SH3BP2: variants seen among roughly 807,000 people sequenced by gnomAD.
SH3BP2 encodes the protein SH3 domain binding protein 2, also known as SH3 domain-binding protein 2.
In SH3BP2, 38 loss-of-function variants were observed where a neutral mutation model predicts 56.2. That is an observed-to-expected ratio of 0.68 (90% confidence interval 0.52 to 0.89). SH3BP2 has a LOEUF of 0.89. Ranked by LOEUF, SH3BP2 falls within the 40% of genes least tolerant of loss-of-function variation. The pLI is 0.00. For synonymous variants in SH3BP2, 346 were observed against 316.7 expected, an observed-to-expected ratio of 1.09 and a Z score of -0.98; for missense variants, 748 against 762.6, an observed-to-expected ratio of 0.98 and a Z score of 0.23.
rs1218397040 is a variant in SH3BP2, at chr4:2,840,032, C to G, written c.*6198C>G. On this transcript the variant is annotated 3_prime_UTR_variant, in exon 13 of 13. Coordinates refer to ENST00000503393, the MANE Select transcript of SH3BP2 (RefSeq NM_001122681.2). ...TTGAGCTCAGGAGTTTGAGACCAAC[C>G]TGGACAACATGGCGAAACACCATCT... 2.0e-5 allele frequency: 3 copies of G among 151,896 alleles called. No individual in the cohort carries two copies. The highest frequency in any genetic ancestry group is 7.3e-5 in the African/African-American group (3 of 41,312). 9.4% of individuals were successfully genotyped at this position (151,896 alleles called of 1,614,324 possible).
intron 1 of SH3BP2, chr4:2,818,397 ACCGAGCC>A: frequency 8.6e-7 from 1 of 1,168,686 alleles, no homozygotes. Context: ...CGCCGTGAGT[ACCGAGCC>A]CCGGCCCCCG....
rs1392586449 is a variant in SH3BP2, at chr4:2,810,358, A to G, written c.-4-10256A>G. ...AGCATTGGACCAGGGCTGTGGGGGG[A>G]ATGGGCCTGGGCCAGGGTCAGGTGG... On this transcript the variant is annotated intron_variant, in intron 1 of 12. Coordinates refer to ENST00000503393, the MANE Select transcript of SH3BP2 (RefSeq NM_001122681.2). This position sits in a 1 kb window ranked among gnomAD's most constrained non-coding sequence, Gnocchi z 4.2. 1.3e-5 allele frequency among the ~76,000 whole-genome samples: 2 copies of G among 150,646 alleles called. No individual in the cohort carries two copies. Among genetic ancestry groups the G allele is most frequent in the African/African-American group, 4.9e-5 (2 of 40,836 alleles).
intron 1 of SH3BP2, chr4:2,796,292 G>T: frequency 2.3e-6 from 1 of 438,892 alleles, no homozygotes; most frequent in Non-Finnish European, 3.0e-6. Flanking sequence ...GTGGAGACCT[G>T]GGTCAGACAG....
chr4:2,800,524 A>G (rs1184469196), intron 1 of SH3BP2, among the ~76,000 whole-genome samples: 1 of 149,546 alleles, frequency 6.7e-6, no homozygotes, highest in Non-Finnish European at 1.5e-5. Context: ...CCCGAGCAGT[A>G]CGTGGAGGTG....
Position 2,810,125 on chromosome 4 carries a change from A to G in SH3BP2, c.-4-10489A>G, listed in dbSNP as rs147226449. On this transcript the variant is annotated intron_variant, in intron 1 of 12. Coordinates refer to ENST00000503393, the MANE Select transcript of SH3BP2 (RefSeq NM_001122681.2). The surrounding 1 kb of genome is among the most constrained non-coding windows in gnomAD (Gnocchi z 4.2). ...GCAGTGTCATATGCCGCAGGGATGA[A>G]GAGGAATTGAGAGAGCAATTGGAGA... Among the ~76,000 whole-genome samples the G allele has an allele frequency of 5.1e-4, 78 of 152,282 alleles. No individual in the cohort carries two copies. The East Asian group carries it at 6.0e-3, about 12-fold the overall frequency.
intron 1 of SH3BP2, among the ~76,000 whole-genome samples, chr4:2,798,796 G>T (rs1723144851): frequency 6.6e-6 from 1 of 152,226 alleles, no homozygotes; most frequent in South Asian, 2.1e-4. Flanking sequence ...GCGTTCCCAG[G>T]CTGAGACCTC....
At chr4:2,804,152 G>C (rs571349183) in intron 1 of SH3BP2, among the ~76,000 whole-genome samples, 2 of 152,258 alleles carry the variant, frequency 1.3e-5, no homozygotes, top group South Asian at 4.1e-4. Flanking sequence ...CAGCTGCCTG[G>C]TGGGTTCCAC....
At position 2,818,371 on chromosome 4, in the gene SH3BP2, A is replaced by G. The variant is rs1008018693; in HGVS notation, c.-4-2243A>G. ...GTGGATCGCCCCGGGGAAGCCGGCC[A>G]TGCCCGCCGCGTGGACGCCGTGAGT... is the stretch of plus-strand genomic sequence containing the variant. On this transcript the variant is annotated intron_variant, in intron 1 of 12. Transcript: ENST00000503393. 3 of 1,174,806 alleles carry G rather than the reference A, an allele frequency of 2.6e-6. No homozygotes were observed. In the African/African-American group the frequency reaches 4.9e-5, roughly 19 times the overall value. 72.8% of individuals were successfully genotyped at this position (1,174,806 alleles called of 1,614,324 possible). A position where few individuals can be genotyped will look rare whatever the true frequency, so the allele number is the denominator to read the frequency against.
chr4:2,805,931 C>T (rs373035519), intron 1 of SH3BP2, among the ~76,000 whole-genome samples: 6 of 152,122 alleles, frequency 3.9e-5, no homozygotes, highest in Non-Finnish European at 7.4e-5. Flanking sequence ...CCAAGGGCCG[C>T]GGGGAGACGC....
intron 2 of SH3BP2, among the ~76,000 whole-genome samples, chr4:2,821,578 G>C (rs190384997): frequency 6.6e-6 from 1 of 152,144 alleles, no homozygotes; most frequent in Non-Finnish European, 1.5e-5. Flanking sequence ...TTATTTTTTC[G>C]AGACAGGGTC....
chr4:2,812,230 C>T, intron 1 of SH3BP2: 1 of 1,511,096 alleles, frequency 6.6e-7, no homozygotes, highest in South Asian at 1.3e-5. Flanking sequence ...CTTGGTGCTG[C>T]CCAGGGAGCA....
chr4:2,832,125 T>G (rs928309521), intron 10 of SH3BP2, 147 bp downstream of exon 10: 47 of 997,606 alleles, frequency 4.7e-5, no homozygotes, highest in Non-Finnish European at 3.6e-5. Flanking sequence ...TGGACCTCCC[T>G]GCTCTGTCCC....
In SH3BP2 at chr4:2,837,051, T is replaced by C. The variant is rs1725257392; in HGVS notation, c.*3217T>C. 1 of 151,442 alleles carries C rather than the reference T, an allele frequency of 6.6e-6. No homozygotes were observed. The highest frequency in any genetic ancestry group is 1.5e-5 in the Non-Finnish European group (1 of 68,062). The allele number at this position is 151,442 out of a possible 1,614,324, so 9.4% of individuals were successfully genotyped here. ...AAGATTTGTATTGTGAAAAGATTTT[T>C]TCTTTTTTTTTTGGGACACAGTCTC... On this transcript the variant is annotated 3_prime_UTR_variant, in exon 13 of 13. Coordinates refer to ENST00000503393, the MANE Select transcript of SH3BP2 (RefSeq NM_001122681.2).
intron 5 of SH3BP2, 62 bp downstream of exon 5, chr4:2,825,258 G>A (rs574564359): frequency 3.7e-6 from 5 of 1,365,008 alleles, no homozygotes; most frequent in East Asian, 2.5e-5. Flanking sequence ...GGCCTGACCC[G>A]GGTGTCCGCC....
At chr4:2,803,442 T>C (rs1206557992) in intron 1 of SH3BP2, among the ~76,000 whole-genome samples, 1 of 152,134 alleles carries the variant, frequency 6.6e-6, no homozygotes, top group Non-Finnish European at 1.5e-5. Flanking sequence ...TATGGCAGAG[T>C]GCTTGGGAGC....
chr4:2,832,478 C>A, intron 11 of SH3BP2, 66 bp downstream of exon 11: 2 of 1,214,834 alleles, frequency 1.6e-6, no homozygotes, highest in Non-Finnish European at 2.4e-6. Flanking sequence ...TGTGGGTGGG[C>A]CCAGGACTCC....
chr4:2,827,654 C>T lies in SH3BP2; in HGVS notation c.566C>T (p.Pro189Leu), dbSNP rs147001821. 64 of 1,452,318 alleles carry T rather than the reference C, an allele frequency of 4.4e-5. No individual in the cohort carries two copies. Among genetic ancestry groups the T allele is most frequent in the Admixed American group, 2.6e-4 (14 of 53,678 alleles). The allele number at this position is 1,452,318 out of a possible 1,614,324, so 90.0% of individuals were successfully genotyped here. The change falls in exon 7 of 13, where the codon CCG becomes CTG. Residue 189 changes from proline (P) to leucine (L), a missense_variant. Coordinates refer to ENST00000503393, the MANE Select transcript of SH3BP2 (RefSeq NM_001122681.2). ...EDDSYLEPDS[P>L]EPGRLEDALM... ...GACTCCTACCTGGAGCCTGACTCCCCGGAGCCCGGAAGGCTTGAGGGTAGG... is the reference window on the plus strand; with the variant it reads ...GACTCCTACCTGGAGCCTGACTCCCTGGAGCCCGGAAGGCTTGAGGGTAGG...
chr4:2,833,737 G>T lies in SH3BP2; in HGVS notation c.1589G>T (p.Ser530Ile), dbSNP rs767878434. The part of the protein sequence containing the change: ...FYLEGEVLFV[S>I]VGSMVEHYHT... ...CTGGAGGGCGAGGTCCTGTTTGTGA[G>T]TGTGGGCAGCATGGTGGAGCACTAC... The change falls in exon 13 of 13, where the codon AGT becomes ATT. Residue 530 changes from serine (S) to isoleucine (I), a missense_variant. By Grantham distance (142) the Ser-to-Ile change is moderately radical. Around this residue, in one of 3 missense-constraint regions of SH3BP2, gnomAD observed 635 missense variants for 615.0 expected, o/e 1.03. Transcript: ENST00000503393. 9.3e-6 allele frequency: 15 copies of T among 1,609,248 alleles called. No individual in the cohort carries two copies. The highest frequency in any genetic ancestry group is 1.3e-5 in the African/African-American group (1 of 74,838).
At chr4:2,833,131 G>A in intron 12 of SH3BP2, 82 bp downstream of exon 12, 7 of 1,296,042 alleles carry the variant, frequency 5.4e-6, no homozygotes, top group Non-Finnish European at 6.7e-6. Flanking sequence ...ATGAGGCATA[G>A]GCAGCGGGTA....
Sources: allele counts gnomAD v4.1 joint callset (sites outside exome capture counted in the v4.1 genomes callset), GRCh38; gene constraint gnomAD v4.1.1; regional missense constraint gnomAD v4.1.1; non-coding constraint Gnocchi (gnomAD v3.1); transcripts MANE v1.5; gene names NCBI Gene and HGNC (gene_info 2026-07-23, HGNC 2026-07-21).